The following TEDC2 variants were observed in gnomAD, a reference collection of about 807,000 sequenced individuals.
The protein encoded by TEDC2 is tubulin epsilon and delta complex 2, also known as tubulin epsilon and delta complex protein 2.
TEDC2 carries 49 observed loss-of-function variants against 48.1 expected under a neutral mutation model. The observed-to-expected ratio is 1.02, with a 90% CI of 0.81 to 1.29. The LOEUF (loss-of-function observed/expected upper bound fraction) is 1.29, where lower values mean the gene tolerates loss of function less well. Among genes scored for constraint, TEDC2 ranks in the 50% most tolerant of loss-of-function variants. The pLI, the probability that TEDC2 is intolerant of heterozygous loss-of-function variation, is 0.00. For synonymous variants in TEDC2, 299 were observed against 247.1 expected (o/e 1.21, Z -1.97); for missense variants, 631 against 571.4 (o/e 1.10, Z -1.06).
In TEDC2 at chr16:2,464,034, C is replaced by T. The variant is rs770921850; in HGVS notation, c.965-5C>T. 62 of 1,610,794 alleles carry T rather than the reference C, an allele frequency of 3.8e-5. No homozygotes were observed. The highest frequency in any genetic ancestry group is 5.1e-5 in the Non-Finnish European group (60 of 1,178,630). Reference sequence around the variant, plus strand: ...CCCAAAGGCCACATTCTCCTGTGCACACAGCGGTGGCGGAACAGCCACCAA... The same window carrying T: ...CCCAAAGGCCACATTCTCCTGTGCATACAGCGGTGGCGGAACAGCCACCAA... On this transcript the variant is annotated splice_region_variant and splice_polypyrimidine_tract_variant and intron_variant, in intron 8 of 9. Coordinates refer to ENST00000361837, the MANE Select transcript of TEDC2 (RefSeq NM_025108.3).
Position 2,460,374 on chromosome 16 carries a change from C to A in TEDC2, c.118C>A (p.His40Asn). Reference protein sequence around the residue: ...QSLRVCRRLLHAWEPTGTRAL... With the variant: ...QSLRVCRRLLNAWEPTGTRAL... ...CCTGCGCGTTTGCCGTCGGCTGCTG[C>A]ATGCCTGGTACGCGGACCCCGGACC... The change falls in exon 2 of 10, where the codon CAT becomes AAT. Residue 40 changes from histidine to asparagine, a missense_variant. His to Asn is a moderately conservative substitution (Grantham distance 68, BLOSUM62 1). Coordinates refer to ENST00000361837, the MANE Select transcript of TEDC2 (RefSeq NM_025108.3). 6.5e-7 allele frequency: 1 copy of A among 1,545,048 alleles called. No homozygotes were observed.
At position 2,460,813 on chromosome 16, in the gene TEDC2, C is replaced by T. The variant is rs751259646; in HGVS notation, c.197-3C>T. The T allele has an allele frequency of 6.2e-7, 1 of 1,610,766 alleles. No homozygotes were observed. Among genetic ancestry groups the T allele is most frequent in the Non-Finnish European group, 8.5e-7 (1 of 1,178,332 alleles). ...ATCCCTGCATAATTCTTGGCTTTCACAGCATGCACACCCAGTCCACAAGAC... is the reference window on the plus strand; with the variant it reads ...ATCCCTGCATAATTCTTGGCTTTCATAGCATGCACACCCAGTCCACAAGAC... On this transcript the variant is annotated splice_polypyrimidine_tract_variant and splice_region_variant and intron_variant, in intron 3 of 9. Coordinates refer to ENST00000361837, the MANE Select transcript of TEDC2 (RefSeq NM_025108.3).
chr16:2,461,173 C>T lies in TEDC2; in HGVS notation c.554C>T (p.Ala185Val), dbSNP rs1351633486. 1 of 1,514,346 alleles carries T rather than the reference C, an allele frequency of 6.6e-7. No homozygotes were observed. The highest frequency in any genetic ancestry group is 1.4e-5 in the African/African-American group (1 of 71,758). The allele number at this position is 1,514,346 out of a possible 1,614,324, so 93.8% of individuals were successfully genotyped here. The change falls in exon 4 of 10, where the codon GCC becomes GTC. Residue 185 changes from alanine to valine, a missense_variant. Coordinates refer to ENST00000361837, the MANE Select transcript of TEDC2 (RefSeq NM_025108.3). ...GCGGGCCTCAGGGACCAGCAAATGG[C>T]CCCATCCGCTGCTCCTCAGGCCCCA... The part of the protein sequence containing the change: ...PGAGLRDQQM[A>V]PSAAPQAPEA...
chr16:2,460,306 C>A lies in TEDC2; in HGVS notation c.50C>A (p.Ala17Asp). 1 of 1,534,344 alleles carries A rather than the reference C, an allele frequency of 6.5e-7. No homozygotes were observed. Among genetic ancestry groups the A allele is most frequent in the Non-Finnish European group, 8.7e-7 (1 of 1,143,922 alleles). ...SRRLVAELQG[A>D]LDACAQRQLQ... ...AGGCTGGTGGCCGAGCTGCAGGGCGCCCTGGACGCCTGCGCACAGCGACAA... is the reference window on the plus strand; with the variant it reads ...AGGCTGGTGGCCGAGCTGCAGGGCGACCTGGACGCCTGCGCACAGCGACAA... The change falls in exon 2 of 10, where the codon GCC (alanine) becomes GAC (aspartate). Residue 17 changes from alanine (A) to aspartate (D), a missense_variant. Physicochemically the swap from Ala to Asp is moderately radical, Grantham distance 126. Coordinates refer to ENST00000361837, the MANE Select transcript of TEDC2 (RefSeq NM_025108.3).
At chr16:2,462,008 C>T in intron 5 of TEDC2, 141 bp from the exon 6 acceptor site, 2 of 1,092,180 alleles carry the variant, frequency 1.8e-6, no homozygotes, top group Non-Finnish European at 1.3e-6. Context: ...CTCTGGAGGC[C>T]CCTCCTGGCA....
intron 4 of TEDC2, 143 bp downstream of exon 4, chr16:2,461,367 T>A: frequency 8.6e-7 from 1 of 1,156,472 alleles, no homozygotes; most frequent in Admixed American, 3.3e-5. Flanking sequence ...GCTCAGAAGC[T>A]GGCAGAATGA....
At chr16:2,462,831 C>T (rs1316055369) in intron 8 of TEDC2, 99 bp downstream of exon 8, 57 of 1,165,284 alleles carry the variant, frequency 4.9e-5, no homozygotes, top group Non-Finnish European at 6.5e-5. Flanking sequence ...GGGTGAGCAG[C>T]CCAGGGACCA....
At position 2,460,119 on chromosome 16, in the gene TEDC2, A is replaced by G. The variant is rs1032239935; in HGVS notation, c.-26A>G. 3.0e-6 allele frequency: 4 copies of G among 1,347,552 alleles called. No individual in the cohort carries two copies. In the African/African-American group the frequency reaches 6.2e-5, roughly 21 times the overall value. The allele number at this position is 1,347,552 out of a possible 1,614,324, so 83.5% of individuals were successfully genotyped here. A position where few individuals can be genotyped will look rare whatever the true frequency, so the allele number is the denominator to read the frequency against. On this transcript the variant is annotated 5_prime_UTR_variant, in exon 1 of 10. Coordinates refer to ENST00000361837, the MANE Select transcript of TEDC2 (RefSeq NM_025108.3). ...GGGGCGTGGCTCTTCAGAGGCGGCA[A>G]ATTGCAAGGAGACGCCGCCGCCTTC...
Position 2,464,528 on chromosome 16 carries a change from A to T in TEDC2, c.1162A>T (p.Met388Leu). The change falls in exon 10 of 10, where the codon ATG becomes TTG. Residue 388 changes from methionine (M) to leucine (L), a missense_variant. Met to Leu is a conservative substitution (Grantham distance 15). Transcript: ENST00000361837. ...DQQIHLEKVL[M>L]AELLPLVSAA... ...TGCCCTGCCCTGCCCCCAGGTCCTG[A>T]TGGCTGAACTCCTCCCCCTGGTAAG... 1.9e-6 allele frequency: 3 copies of T among 1,568,672 alleles called. No individual in the cohort carries two copies. Among genetic ancestry groups the T allele is most frequent in the Non-Finnish European group, 2.6e-6 (3 of 1,164,792 alleles).
Position 2,460,647 on chromosome 16 carries a change from G to T in TEDC2, c.150G>T (p.Leu50Phe), listed in dbSNP as rs199853037. 124 of 1,613,060 alleles carry T rather than the reference G, an allele frequency of 7.7e-5. No individual in the cohort carries two copies. In the African/African-American group the frequency reaches 1.2e-3, roughly 16 times the overall value. Reference protein sequence around the residue: ...HAWEPTGTRALKPPPGPETNG... With the variant: ...HAWEPTGTRAFKPPPGPETNG... Reference sequence around the variant, plus strand: ...GGGAACCAACTGGGACCCGGGCTTTGAAGCCACCTCCAGGGCCAGAAACTA... The same window carrying T: ...GGGAACCAACTGGGACCCGGGCTTTTAAGCCACCTCCAGGGCCAGAAACTA... Residue 50 changes from leucine (L) to phenylalanine (F), a missense_variant, in exon 3 of 10, where the codon TTG becomes TTT. By Grantham distance (22) the Leu-to-Phe change is conservative (BLOSUM62 0). Coordinates refer to ENST00000361837, the MANE Select transcript of TEDC2 (RefSeq NM_025108.3).
At chr16:2,462,035 G>A (rs1426370552) in intron 5 of TEDC2, 114 bp from the exon 6 acceptor site, 20 of 1,227,700 alleles carry the variant, frequency 1.6e-5, no homozygotes, top group African/African-American at 9.0e-5. Context: ...AGAGCCAGAC[G>A]CCCAGCCTGG....
Position 2,460,883 on chromosome 16 carries a change from A to T in TEDC2, c.264A>T (p.Val88=). 1 of 1,613,568 alleles carries T rather than the reference A, an allele frequency of 6.2e-7. No homozygotes were observed. Among genetic ancestry groups the T allele is most frequent in the Middle Eastern group, 1.7e-4 (1 of 6,060 alleles). Residue 88 remains valine (V), a synonymous_variant, in exon 4 of 10, where the codon GTA becomes GTT. Transcript: ENST00000361837. ...TGACCCAGGCACTGGAGAAGGCTGTACGAGTTCGAAGAGGCATCACTAAGG... is the reference window on the plus strand; with the variant it reads ...TGACCCAGGCACTGGAGAAGGCTGTTCGAGTTCGAAGAGGCATCACTAAGG... ...EFLTQALEKA[V]RVRRGITKAG... is the part of the protein sequence containing the mutation.
chr16:2,462,476 G>T lies in TEDC2; in HGVS notation c.812G>T (p.Arg271Leu). The T allele has an allele frequency of 6.2e-7, 1 of 1,610,524 alleles. No homozygotes were observed. Among genetic ancestry groups the T allele is most frequent in the South Asian group, 1.1e-5 (1 of 90,842 alleles). The part of the protein sequence containing the change: ...VEVEAEAGRL[R>L]KACSLLRLRM... ...GTGGAGGCGGAGGCGGGGCGCCTGC[G>T]GAAGGCCTGCTCGCTGCTGAGACTG... Residue 271 changes from arginine (R) to leucine (L), a missense_variant, in exon 7 of 10, where the codon CGG becomes CTG. Physicochemically the swap from Arg to Leu is moderately radical, Grantham distance 102. Transcript: ENST00000361837.
At chr16:2,461,319 C>A in intron 4 of TEDC2, 95 bp downstream of exon 4, 1 of 1,384,038 alleles carries the variant, frequency 7.2e-7, no homozygotes, top group Non-Finnish European at 9.5e-7. Flanking sequence ...ACAGGGAAGG[C>A]AGGGCATCGA....
rs1031869762 is a variant in TEDC2 at position 2,464,937 on chromosome 16, G to A, written c.*269G>A. On this transcript the variant is annotated 3_prime_UTR_variant, in exon 10 of 10. Coordinates refer to ENST00000361837, the MANE Select transcript of TEDC2 (RefSeq NM_025108.3). Reference sequence around the variant, plus strand: ...CACTGTAGACCAAAGAGCCGCTTGTGTGATATTAAAGCCACTTTAGAAAGC... The same window carrying A: ...CACTGTAGACCAAAGAGCCGCTTGTATGATATTAAAGCCACTTTAGAAAGC... 1 of 501,078 alleles carries A rather than the reference G, an allele frequency of 2.0e-6. No individual in the cohort carries two copies. Among genetic ancestry groups the A allele is most frequent in the Non-Finnish European group, 3.5e-6 (1 of 281,966 alleles). 31.0% of individuals were successfully genotyped at this position (501,078 alleles called of 1,614,324 possible). A position where few individuals can be genotyped will look rare whatever the true frequency, so the allele number is the denominator to read the frequency against.
Position 2,460,876 on chromosome 16 carries a change from A to G in TEDC2, c.257A>G (p.Lys86Arg). The change falls in exon 4 of 10, where the codon AAG becomes AGG. Residue 86 changes from lysine to arginine, a missense_variant. Transcript: ENST00000361837. ...ELEFLTQALE[K>R]AVRVRRGITK... ...GAGTTTCTGACCCAGGCACTGGAGA[A>G]GGCTGTACGAGTTCGAAGAGGCATC... 2 of 1,613,562 alleles carry G rather than the reference A, an allele frequency of 1.2e-6. No homozygotes were observed. The highest frequency in any genetic ancestry group is 1.7e-6 in the Non-Finnish European group (2 of 1,180,014).
intron 8 of TEDC2, among the ~76,000 whole-genome samples, chr16:2,463,264 T>G (rs1251443655): frequency 6.6e-6 from 1 of 151,678 alleles, no homozygotes; most frequent in Non-Finnish European, 1.5e-5. Flanking sequence ...GAGCTTGCAG[T>G]GAGCTGAGAT....
chr16:2,460,888 T>C lies in TEDC2; in HGVS notation c.269T>C (p.Val90Ala). ...LTQALEKAVR[V>A]RRGITKAGER... ...CAGGCACTGGAGAAGGCTGTACGAG[T>C]TCGAAGAGGCATCACTAAGGCCGGA... is the stretch of plus-strand genomic sequence containing the variant. Residue 90 changes from valine (V) to alanine (A), a missense_variant, in exon 4 of 10, where the codon GTT becomes GCT. Transcript: ENST00000361837. 6.2e-7 allele frequency: 1 copy of C among 1,613,304 alleles called. No individual in the cohort carries two copies. The highest frequency in any genetic ancestry group is 8.5e-7 in the Non-Finnish European group (1 of 1,179,938).
In TEDC2 at chr16:2,462,655, A is replaced by G. The variant is rs1409437015; in HGVS notation, c.887A>G (p.Tyr296Cys). ...GCCCCCATGGACTGGATGCAGGAGT[A>G]CCGCTGCCTGCTCACGCTGGAGGGG... ...SAAPMDWMQEYRCLLTLEGLQ... is the reference protein window; with the variant it reads ...SAAPMDWMQECRCLLTLEGLQ... Residue 296 changes from tyrosine (Y) to cysteine (C), a missense_variant, in exon 8 of 10, where the codon TAC (tyrosine) becomes TGC (cysteine). Transcript: ENST00000361837. The G allele has an allele frequency of 2.6e-5, 41 of 1,548,098 alleles. No individual in the cohort carries two copies. The highest frequency in any genetic ancestry group is 2.9e-5 in the Non-Finnish European group (33 of 1,147,192).
Sources: gnomAD v4.1 joint callset for allele counts (sites outside exome capture counted in the v4.1 genomes callset) on GRCh38, gnomAD v4.1.1 for gene constraint, MANE v1.5 for transcripts, NCBI Gene and HGNC (gene_info 2026-07-23, HGNC 2026-07-21) for gene names.